ZHX2: variants seen among roughly 807,000 people sequenced by gnomAD.
ZHX2 encodes zinc fingers and homeoboxes protein 2.
In ZHX2, 6 loss-of-function variants were observed where a neutral mutation model predicts 21.9. That is an observed-to-expected ratio of 0.27 (90% CI 0.15 to 0.54). The LOEUF (loss-of-function observed/expected upper bound fraction) is 0.54, where lower values mean the gene tolerates loss of function less well. Ranked by LOEUF, ZHX2 falls within the 20% of genes least tolerant of loss-of-function variation. The pLI, the probability that ZHX2 is intolerant of heterozygous loss-of-function variation, is 0.95. For synonymous variants in ZHX2, 434 were observed against 437.1 expected (o/e 0.99, Z 0.09); for missense variants, 908 against 1,090.7 (o/e 0.83, Z 2.36).
rs550516968 is a variant in ZHX2 at position 122,973,697 on chromosome 8, T to C, written c.*460T>C. The C allele has an allele frequency of 6.5e-6, 1 of 152,704 alleles. No individual in the cohort carries two copies. The highest frequency in any genetic ancestry group is 6.5e-5 in the Admixed American group (1 of 15,296). The allele number at this position is 152,704 out of a possible 1,614,324, so 9.5% of individuals were successfully genotyped here. A position where few individuals can be genotyped will look rare whatever the true frequency, so the allele number is the denominator to read the frequency against. ...TTTTATTAATTTGGGGAAAGGGGTG[T>C]TAGCATTAGTGCCATGATATCTACT... On this transcript the variant is annotated 3_prime_UTR_variant, in exon 4 of 4. Transcript: ENST00000314393.
At chr8:122,783,536 A>AT (rs1281297600) in intron 1 of ZHX2, among the ~76,000 whole-genome samples, 1 of 152,186 alleles carries the variant, frequency 6.6e-6, no homozygotes, top group Non-Finnish European at 1.5e-5. Flanking sequence ...TATGGCAGAA[A>AT]TTAATGCCTG....
chr8:122,820,053 G>A (rs1235243042), intron 1 of ZHX2, among the ~76,000 whole-genome samples: 3 of 152,186 alleles, frequency 2.0e-5, no homozygotes, highest in Admixed American at 6.5e-5. Context: ...CATCACGATG[G>A]AAACAATTGA....
chr8:122,883,081 T>G (rs1397248441), intron 2 of ZHX2, among the ~76,000 whole-genome samples: 2 of 152,160 alleles, frequency 1.3e-5, no homozygotes, highest in African/African-American at 4.8e-5. Context: ...GACTCTTTTC[T>G]CTGGTGATCC....
At position 122,824,899 on chromosome 8, in the gene ZHX2, T is replaced by C. The variant is rs1818229331; in HGVS notation, c.-282-38578T>C. ...TTTTCCAGTTTCCAGAGGCTGCCCA[T>C]GTTCTTTGACTTAACAGCCCCCGTC... On this transcript the variant is annotated intron_variant, in intron 1 of 3. Transcript: ENST00000314393. Among the ~76,000 whole-genome samples, 5 of 152,194 alleles carry C rather than the reference T, an allele frequency of 3.3e-5. No individual in the cohort carries two copies. The South Asian group carries it at 1.0e-3, about 31-fold the overall frequency.
intron 2 of ZHX2, among the ~76,000 whole-genome samples, chr8:122,930,525 T>C (rs1391268913): frequency 6.6e-6 from 1 of 151,582 alleles, no homozygotes; most frequent in Non-Finnish European, 1.5e-5. Context: ...TCTTCCCACC[T>C]TTTGGTGCAT....
intron 1 of ZHX2, among the ~76,000 whole-genome samples, chr8:122,848,122 T>C (rs961789328): frequency 6.6e-6 from 1 of 152,180 alleles, no homozygotes; most frequent in Non-Finnish European, 1.5e-5. Flanking sequence ...AAAATATATT[T>C]TGAGGAATGA....
At position 122,794,116 on chromosome 8, in the gene ZHX2, C is replaced by T. The variant is rs139169647; in HGVS notation, c.-283+12170C>T. On this transcript the variant is annotated intron_variant, in intron 1 of 3. Coordinates refer to ENST00000314393, the MANE Select transcript of ZHX2 (RefSeq NM_014943.5). ...GCCACCTGAGCACCTGAGTACCCAG[C>T]TTTCACTGGGTGGTTGCTCAATTAA... is the stretch of plus-strand genomic sequence containing the variant. Among the ~76,000 whole-genome samples, 194 of 152,304 alleles carry T rather than the reference C, an allele frequency of 1.3e-3. 2 individuals carry two copies. The East Asian group carries it at 0.032, about 25-fold the overall frequency.
chr8:122,918,683 A>C (rs1820663346), intron 2 of ZHX2, among the ~76,000 whole-genome samples: 1 of 152,186 alleles, frequency 6.6e-6, no homozygotes, highest in South Asian at 2.1e-4. Context: ...GCGGTGGCTC[A>C]CACCTGTAAT....
intron 2 of ZHX2, among the ~76,000 whole-genome samples, chr8:122,938,487 G>A (rs969933343): frequency 6.6e-6 from 1 of 152,084 alleles, no homozygotes; most frequent in African/African-American, 2.4e-5. Context: ...GAGAGGAGAC[G>A]GATGAGAAGA....
chr8:122,801,585 CAAAAAAA>C (rs34318877), intron 1 of ZHX2, among the ~76,000 whole-genome samples: 2 of 124,798 alleles, frequency 1.6e-5, no homozygotes, highest in East Asian at 2.5e-4. Flanking sequence ...GCCATCTCTA[CAAAAAAA>C]AAAAAAAAAA....
At chr8:122,899,134 G>T (rs1296671441) in intron 2 of ZHX2, among the ~76,000 whole-genome samples, 1 of 152,090 alleles carries the variant, frequency 6.6e-6, no homozygotes, top group Non-Finnish European at 1.5e-5. Flanking sequence ...TAAATCCAAG[G>T]CCTCATACAG....
At chr8:122,829,884 G>A (rs909266413) in intron 1 of ZHX2, among the ~76,000 whole-genome samples, 1 of 152,244 alleles carries the variant, frequency 6.6e-6, no homozygotes, top group Admixed American at 6.5e-5. Context: ...GGCAGATTGT[G>A]AAGTGGAGCC....
intron 2 of ZHX2, among the ~76,000 whole-genome samples, chr8:122,904,890 C>T (rs1820310404): frequency 6.6e-6 from 1 of 152,080 alleles, no homozygotes; most frequent in African/African-American, 2.4e-5. Context: ...AAAAATGTTT[C>T]AATAAGCAAA....
intron 2 of ZHX2, among the ~76,000 whole-genome samples, chr8:122,896,655 T>G (rs866663114): frequency 6.6e-6 from 1 of 152,180 alleles, no homozygotes; most frequent in Non-Finnish European, 1.5e-5. Flanking sequence ...GTTATACCAT[T>G]TAATAGACTA....
At chr8:122,879,971 C>CTT (rs1563765738) in intron 2 of ZHX2, among the ~76,000 whole-genome samples, 3 of 120,570 alleles carry the variant, frequency 2.5e-5, no homozygotes, top group African/African-American at 9.4e-5. Context: ...TCTATTGTTA[C>CTT]CTTTTTTTTT....
chr8:122,835,591 G>T (rs908657371), intron 1 of ZHX2, among the ~76,000 whole-genome samples: 6 of 152,178 alleles, frequency 3.9e-5, no homozygotes, highest in Non-Finnish European at 8.8e-5. Flanking sequence ...GGCTTGCAGG[G>T]GTTAAAGAAG....
chr8:122,936,159 A>G (rs1586402735), intron 2 of ZHX2, among the ~76,000 whole-genome samples: 1 of 152,232 alleles, frequency 6.6e-6, no homozygotes, highest in East Asian at 1.9e-4. Flanking sequence ...GAAGAAGGGA[A>G]CAGAGTGGTA....
At chr8:122,793,412 G>A (rs1016344740) in intron 1 of ZHX2, among the ~76,000 whole-genome samples, 10 of 152,166 alleles carry the variant, frequency 6.6e-5, no homozygotes, top group African/African-American at 1.7e-4. Flanking sequence ...TGAGCTTAGG[G>A]GTTCTTCTCT....
chr8:122,901,357 A>C (rs1299967465), intron 2 of ZHX2, among the ~76,000 whole-genome samples: 1 of 151,772 alleles, frequency 6.6e-6, no homozygotes, highest in Non-Finnish European at 1.5e-5. Context: ...GATCCCTCCT[A>C]CTCTCCCCAA....
Sources: allele counts gnomAD v4.1 joint callset (sites outside exome capture counted in the v4.1 genomes callset), GRCh38; gene constraint gnomAD v4.1.1; transcripts MANE v1.5; gene names NCBI Gene and HGNC (gene_info 2026-07-23, HGNC 2026-07-21).